Variants in LPP observed in about 807,000 individuals in gnomAD.
LPP encodes LIM domain containing preferred translocation partner in lipoma, also known as lipoma-preferred partner.
A neutral mutation model predicts 60.4 loss-of-function variants in LPP; 38 were observed. That is an observed-to-expected ratio of 0.63 (90% CI 0.49 to 0.83). The LOEUF is 0.83. Ranked by LOEUF, LPP falls within the 40% of genes least tolerant of loss-of-function variation. The pLI is 0.00. For synonymous variants in LPP, 328 were observed against 290.8 expected (o/e 1.13, Z -1.30); for missense variants, 902 against 783.6 (o/e 1.15, Z -1.80).
chr3:188,322,860 A>T (rs1304229024), intron 2 of LPP, among the ~76,000 whole-genome samples: 2 of 152,206 alleles, frequency 1.3e-5, no homozygotes, highest in Non-Finnish European at 2.9e-5. Context: ...TGGGATACCT[A>T]TCTCAGGACC....
chr3:188,350,458 A>G (rs1486060306), intron 3 of LPP, among the ~76,000 whole-genome samples: 1 of 152,194 alleles, frequency 6.6e-6, no homozygotes, highest in East Asian at 1.9e-4. Context: ...GCAGGCAAAT[A>G]TCAGGCATGG....
chr3:188,608,234 G>A (rs1842908577), intron 6 of LPP, among the ~76,000 whole-genome samples: 2 of 152,080 alleles, frequency 1.3e-5, no homozygotes, highest in Admixed American at 1.3e-4. Context: ...ATGTTACATT[G>A]TTTATGTCAC....
chr3:188,699,272 A>G (rs1312216922), intron 7 of LPP, among the ~76,000 whole-genome samples: 2 of 152,148 alleles, frequency 1.3e-5, no homozygotes, highest in African/African-American at 4.8e-5. Flanking sequence ...GTGGGTGTGG[A>G]GAGACCTCAC....
intron 2 of LPP, among the ~76,000 whole-genome samples, chr3:188,272,003 C>G: frequency 6.6e-6 from 1 of 152,068 alleles, no homozygotes; most frequent in African/African-American, 2.4e-5. Context: ...TGGTCCCTTT[C>G]CTGGAAGCTG....
At chr3:188,445,310 T>TA (rs1329833709) in intron 4 of LPP, among the ~76,000 whole-genome samples, 1 of 151,914 alleles carries the variant, frequency 6.6e-6, no homozygotes, top group Non-Finnish European at 1.5e-5. Flanking sequence ...TATGCAGCCA[T>TA]AAAAAAGGAT....
intron 1 of LPP, among the ~76,000 whole-genome samples, chr3:188,190,461 T>C (rs1577197689): frequency 2.0e-5 from 3 of 152,088 alleles, no homozygotes; most frequent in African/African-American, 7.2e-5. Flanking sequence ...CAATGTGGGG[T>C]CTGACTCCAT....
chr3:188,627,856 C>A (rs1847139677), intron 7 of LPP, among the ~76,000 whole-genome samples: 1 of 152,072 alleles, frequency 6.6e-6, no homozygotes, highest in Non-Finnish European at 1.5e-5. Flanking sequence ...ATTGACTACA[C>A]ACCCATTCAT....
chr3:188,502,968 T>A (rs1055005478), intron 5 of LPP, among the ~76,000 whole-genome samples: 7 of 152,122 alleles, frequency 4.6e-5, no homozygotes, highest in Non-Finnish European at 7.4e-5. Flanking sequence ...GTAAAAAAAT[T>A]GTAAGTCAAA....
chr3:188,785,547 T>TATATATATATATACAC lies in LPP; in HGVS notation c.1410+25266_1410+25267insTATATATATATACACA, dbSNP rs1206082559. 3.9e-4 allele frequency among the ~76,000 whole-genome samples: 17 copies of TATATATATATATACAC among 43,838 alleles called. 2 individuals are homozygous for TATATATATATATACAC. Among genetic ancestry groups the TATATATATATATACAC allele is most frequent in the African/African-American group, 1.3e-3 (14 of 10,614 alleles). The allele number at this position is 43,838 out of a possible 152,430, so 28.8% of individuals were successfully genotyped here. A position where few individuals can be genotyped will look rare whatever the true frequency, so the allele number is the denominator to read the frequency against. On this transcript the variant is annotated intron_variant, in intron 9 of 11. Coordinates refer to ENST00000617246, the MANE Select transcript of LPP (RefSeq NM_001375462.1). ...ATATATATTCCATCATATATATATA[T>TATATATATATATACAC]ACACACACACACACACACACACACA...
intron 9 of LPP, among the ~76,000 whole-genome samples, chr3:188,816,198 CTTT>C (rs34839724): frequency 4.8e-5 from 5 of 103,938 alleles, no homozygotes; most frequent in African/African-American, 1.8e-4. Flanking sequence ...GCTTCCTTCT[CTTT>C]TTTTTTTTTT....
chr3:188,737,488 T>C (rs577015013), intron 8 of LPP, among the ~76,000 whole-genome samples: 3 of 152,342 alleles, frequency 2.0e-5, no homozygotes, highest in East Asian at 3.9e-4. Flanking sequence ...CTCCGCTCCA[T>C]TGATCACCCT....
At chr3:188,406,735 T>C (rs748968346) in intron 4 of LPP, among the ~76,000 whole-genome samples, 2 of 152,232 alleles carry the variant, frequency 1.3e-5, no homozygotes, top group Non-Finnish European at 2.9e-5. Flanking sequence ...AAAGTGAACC[T>C]AATAAAGTGC....
chr3:188,466,189 C>G (rs529494834), intron 4 of LPP, among the ~76,000 whole-genome samples: 1 of 152,072 alleles, frequency 6.6e-6, no homozygotes, highest in Non-Finnish European at 1.5e-5. Context: ...ATTTTCAACA[C>G]GGCAGTGAGA....
chr3:188,858,460 T>C (rs188144201), intron 9 of LPP, among the ~76,000 whole-genome samples: 4 of 152,326 alleles, frequency 2.6e-5, no homozygotes, highest in South Asian at 2.1e-4. Flanking sequence ...CATTAAGGTA[T>C]AAATAAACTA....
At chr3:188,300,371 T>C (rs1280876663) in intron 2 of LPP, among the ~76,000 whole-genome samples, 1 of 152,106 alleles carries the variant, frequency 6.6e-6, no homozygotes, top group African/African-American at 2.4e-5. Context: ...TGACGAACGA[T>C]TGTGACTATT....
chr3:188,747,600 G>A (rs1182737382), intron 8 of LPP, among the ~76,000 whole-genome samples: 4 of 152,204 alleles, frequency 2.6e-5, no homozygotes, highest in Non-Finnish European at 5.9e-5. Flanking sequence ...GCAGATGACT[G>A]TGCAAGCTTC....
intron 4 of LPP, among the ~76,000 whole-genome samples, chr3:188,407,768 G>T (rs1349016733): frequency 8.2e-5 from 5 of 61,310 alleles, no homozygotes; most frequent in Admixed American, 2.6e-4. Context: ...CTCATTTATG[G>T]TTTTTTTTTT....
chr3:188,588,069 T>C (rs1278243073), intron 6 of LPP, among the ~76,000 whole-genome samples: 1 of 152,230 alleles, frequency 6.6e-6, no homozygotes, highest in African/African-American at 2.4e-5. Context: ...AAATTCACAT[T>C]TCACATGCAG....
rs1770303943 is a variant in LPP, at chr3:188,883,585, T to C, written c.*9106T>C. ...ACTCTACTAAAAAAAATACAAAAATTAGCCGGGCGTGTTGGCGGGCGCCTG... is the reference window on the plus strand; with the variant it reads ...ACTCTACTAAAAAAAATACAAAAATCAGCCGGGCGTGTTGGCGGGCGCCTG... On this transcript the variant is annotated 3_prime_UTR_variant, in exon 12 of 12. Transcript: ENST00000617246. 1 of 179,552 alleles carries C rather than the reference T, an allele frequency of 5.6e-6. No homozygotes were observed. Among genetic ancestry groups the C allele is most frequent in the South Asian group, 2.0e-4 (1 of 5,034 alleles). 11.1% of individuals were successfully genotyped at this position (179,552 alleles called of 1,614,324 possible).
Sources: gnomAD v4.1 joint callset for allele counts (sites outside exome capture counted in the v4.1 genomes callset) on GRCh38, gnomAD v4.1.1 for gene constraint, MANE v1.5 for transcripts, NCBI Gene and HGNC (gene_info 2026-07-23, HGNC 2026-07-21) for gene names.